KIAA1328: variants seen among roughly 807,000 people sequenced by gnomAD.
The protein encoded by KIAA1328 is KIAA1328.
Under a neutral mutation model 68.1 loss-of-function variants are expected in KIAA1328, and 52 were observed. The observed-to-expected ratio is 0.76, with a 90% CI of 0.61 to 0.96. The LOEUF (loss-of-function observed/expected upper bound fraction) is 0.96, where lower values mean the gene tolerates loss of function less well. Ranked by LOEUF, KIAA1328 falls within the 40% of genes least tolerant of loss-of-function variation. The probability of loss-of-function intolerance (pLI) is 0.00; values close to 1 mark genes in which losing one functional copy is unlikely to be tolerated. For missense variants in KIAA1328, 641 were observed against 677.6 expected (o/e 0.95, Z 0.60); for synonymous variants, 232 against 239.4 (o/e 0.97, Z 0.28).
At chr18:36,979,731 A>G (rs2052609051) in intron 6 of KIAA1328, among the ~76,000 whole-genome samples, 1 of 152,214 alleles carries the variant, frequency 6.6e-6, no homozygotes, top group Non-Finnish European at 1.5e-5. Context: ...CTGCATCTTC[A>G]GTGGGTTCAG....
chr18:37,002,382 A>AT (rs889682932), intron 6 of KIAA1328, among the ~76,000 whole-genome samples: 7 of 150,804 alleles, frequency 4.6e-5, no homozygotes, highest in Admixed American at 4.6e-4. Flanking sequence ...ATAATTTTTA[A>AT]TTTTTTTATT....
intron 7 of KIAA1328, among the ~76,000 whole-genome samples, chr18:37,085,538 C>A (rs1313224443): frequency 6.6e-6 from 1 of 152,134 alleles, no homozygotes; most frequent in South Asian, 2.1e-4. Flanking sequence ...ATGGGAGGGG[C>A]AGGGACGAGT....
chr18:37,197,097 G>T lies in KIAA1328; in HGVS notation c.1523+24016G>T, dbSNP rs548203269. Among the ~76,000 whole-genome samples the T allele has an allele frequency of 3.3e-5, 5 of 152,030 alleles. No homozygotes were observed. The South Asian group carries it at 8.3e-4, about 25-fold the overall frequency. On this transcript the variant is annotated intron_variant, in intron 9 of 9. Coordinates refer to ENST00000280020, the MANE Select transcript of KIAA1328 (RefSeq NM_020776.3). ...TAGTCATTCATAATTGTTTGTAATG[G>T]TCTTTTATATTTCTGTGGTGTCAGT...
intron 6 of KIAA1328, among the ~76,000 whole-genome samples, chr18:37,051,689 A>T (rs748930557): frequency 6.6e-6 from 1 of 152,154 alleles, no homozygotes; most frequent in Non-Finnish European, 1.5e-5. Flanking sequence ...TTCCTCCCCA[A>T]CTCATTCTAC....
At chr18:36,834,093 A>G (rs2046590611) in intron 1 of KIAA1328, 1 of 654,352 alleles carries the variant, frequency 1.5e-6, no homozygotes, top group African/African-American at 1.9e-5. Context: ...GTGAATATAT[A>G]AAGGTGAACT....
chr18:37,214,723 C>G (rs544163895), intron 9 of KIAA1328, among the ~76,000 whole-genome samples: 29 of 152,272 alleles, frequency 1.9e-4, no homozygotes, highest in African/African-American at 6.7e-4. Context: ...GGCATTGAAT[C>G]TATAAATTAC....
At chr18:37,179,656 A>G (rs1429550649) in intron 9 of KIAA1328, among the ~76,000 whole-genome samples, 1 of 152,182 alleles carries the variant, frequency 6.6e-6, no homozygotes, top group Admixed American at 6.6e-5. Flanking sequence ...ACCTGGGACC[A>G]TACTCTACCA....
chr18:36,919,954 A>G (rs1598713716), intron 5 of KIAA1328, among the ~76,000 whole-genome samples: 1 of 152,060 alleles, frequency 6.6e-6, no homozygotes, highest in African/African-American at 2.4e-5. Context: ...TAAGTTCCTT[A>G]TAGATTCTAG....
intron 4 of KIAA1328, among the ~76,000 whole-genome samples, chr18:36,848,257 T>C (rs1192779293): frequency 6.6e-6 from 1 of 151,638 alleles, no homozygotes; most frequent in Admixed American, 6.6e-5. Context: ...TGATATGTCA[T>C]TTTCAGGTTA....
intron 9 of KIAA1328, among the ~76,000 whole-genome samples, chr18:37,175,220 T>C (rs1249493003): frequency 6.6e-6 from 1 of 152,142 alleles, no homozygotes; most frequent in East Asian, 1.9e-4. Flanking sequence ...TAAAATGAGA[T>C]CTTTAACACC....
chr18:37,102,614 G>A (rs144207558), intron 7 of KIAA1328, among the ~76,000 whole-genome samples: 1,795 of 152,212 alleles, frequency 0.012, 25 homozygotes, highest in South Asian at 0.057. Flanking sequence ...CAAACCCACA[G>A]CTAATACCAC....
Position 37,224,755 on chromosome 18 carries a change from T to C in KIAA1328, c.*2528T>C. ...GGTTGGGATTTGCTCGTCCAGCCTC[T>C]AGACACTTCCCAAAGCAAGACTGGA... On this transcript the variant is annotated 3_prime_UTR_variant, in exon 10 of 10. Coordinates refer to ENST00000280020, the MANE Select transcript of KIAA1328 (RefSeq NM_020776.3). The C allele has an allele frequency of 1.0e-6, 1 of 985,418 alleles. No homozygotes were observed. Among genetic ancestry groups the C allele is most frequent in the Non-Finnish European group, 1.2e-6 (1 of 829,924 alleles). The allele number at this position is 985,418 out of a possible 1,614,324, so 61.0% of individuals were successfully genotyped here.
chr18:36,869,650 C>G (rs1369938514), intron 4 of KIAA1328, among the ~76,000 whole-genome samples: 2 of 151,936 alleles, frequency 1.3e-5, no homozygotes, highest in Non-Finnish European at 2.9e-5. Context: ...TCATAGTTTA[C>G]TTTTTATATG....
chr18:36,995,080 A>G (rs1469532662), intron 6 of KIAA1328, among the ~76,000 whole-genome samples: 1 of 151,982 alleles, frequency 6.6e-6, no homozygotes, highest in African/African-American at 2.4e-5. Flanking sequence ...TACATTAGGT[A>G]TTTTTTCCTA....
At chr18:37,104,434 A>G (rs1344364961) in intron 7 of KIAA1328, among the ~76,000 whole-genome samples, 2 of 152,034 alleles carry the variant, frequency 1.3e-5, no homozygotes, top group Admixed American at 6.5e-5. Context: ...ATACTGCATG[A>G]TATCACTCAT....
intron 9 of KIAA1328, among the ~76,000 whole-genome samples, chr18:37,190,518 A>G (rs2059886045): frequency 6.6e-6 from 1 of 152,146 alleles, no homozygotes; most frequent in African/African-American, 2.4e-5. Context: ...ATGCTGCGCG[A>G]GTTTTCTGGT....
At chr18:37,156,223 A>G (rs1021583271) in intron 7 of KIAA1328, among the ~76,000 whole-genome samples, 2 of 151,976 alleles carry the variant, frequency 1.3e-5, no homozygotes, top group Non-Finnish European at 2.9e-5. Flanking sequence ...CCTCACCAAC[A>G]TGGAGAAACC....
chr18:37,019,589 C>T (rs959907440), intron 6 of KIAA1328, among the ~76,000 whole-genome samples: 16 of 152,280 alleles, frequency 1.1e-4, no homozygotes, highest in Non-Finnish European at 1.9e-4. Context: ...AACTGTGAAA[C>T]CTCCTTGGCT....
intron 9 of KIAA1328, among the ~76,000 whole-genome samples, chr18:37,194,207 C>T (rs548429409): frequency 4.7e-4 from 72 of 152,088 alleles, no homozygotes; most frequent in Middle Eastern, 3.4e-3. Context: ...TAATAGAGGC[C>T]GTACAACTCA....
Sources: gnomAD v4.1 joint callset for allele counts (sites outside exome capture counted in the v4.1 genomes callset) on GRCh38, gnomAD v4.1.1 for gene constraint, MANE v1.5 for transcripts, NCBI Gene and HGNC (gene_info 2026-07-23, HGNC 2026-07-21) for gene names.